SLC4A11: variants seen among roughly 807,000 people sequenced by gnomAD.
SLC4A11 encodes the protein solute carrier family 4 member 11.
Under a neutral mutation model 95.0 loss-of-function variants are expected in SLC4A11, and 74 were observed. That is an observed-to-expected ratio of 0.78 (90% CI 0.65 to 0.95). SLC4A11 has a LOEUF of 0.95. Among genes scored for constraint, SLC4A11 ranks in the 40% least tolerant of loss-of-function variants. SLC4A11 has a pLI of 0.00. For missense variants in SLC4A11, 1,081 were observed against 1,192.4 expected, an observed-to-expected ratio of 0.91 and a Z score of 1.38; for synonymous variants, 548 against 519.0, an observed-to-expected ratio of 1.06 and a Z score of -0.76.
intron 1 of SLC4A11, chr20:3,238,133 C>G: frequency 6.9e-7 from 1 of 1,451,494 alleles, no homozygotes; most frequent in Non-Finnish European, 9.1e-7. Context: ...GCAACGGTCT[C>G]CAGTCCTGGG....
intron 7 of SLC4A11, among the ~76,000 whole-genome samples, chr20:3,232,701 A>C (rs1052299278): frequency 1.3e-5 from 2 of 152,242 alleles, no homozygotes; most frequent in African/African-American, 4.8e-5. Context: ...TGACAGAGTG[A>C]GACTCTGTCT....
chr20:3,234,455 G>C lies in SLC4A11; in HGVS notation c.291+113C>G. ...CCTGGGCTGGTGCGAGCTCCCTGTT[G>C]AGCTGCTCCTGGAGGCATGGGAAGA... On this transcript the variant is annotated intron_variant, in intron 4 of 19. Coordinates refer to ENST00000642402, the MANE Select transcript of SLC4A11 (RefSeq NM_001174089.2). This position sits in a 1 kb window ranked among gnomAD's most constrained non-coding sequence, Gnocchi z 5.8. 3.9e-6 allele frequency: 6 copies of C among 1,528,206 alleles called. No individual in the cohort carries two copies. The South Asian group carries it at 6.7e-5, about 17-fold the overall frequency. The allele number at this position is 1,528,206 out of a possible 1,614,324, so 94.7% of individuals were successfully genotyped here.
intron 17 of SLC4A11, 50 bp downstream of exon 17, chr20:3,228,788 G>A (rs1384994755): frequency 6.2e-7 from 1 of 1,613,152 alleles, no homozygotes; most frequent in East Asian, 2.2e-5. Flanking sequence ...CATGTGGCCA[G>A]AGGCTCCCCA....
Position 3,229,166 on chromosome 20 carries a change from G to A in SLC4A11, c.1947C>T (p.Gly649=). 6.2e-7 allele frequency: 1 copy of A among 1,611,354 alleles called. No homozygotes were observed. Among genetic ancestry groups the A allele is most frequent in the South Asian group, 1.1e-5 (1 of 91,062 alleles). The change falls in exon 16 of 20, where the codon GGC becomes GGT. Residue 649 remains glycine (G), a synonymous_variant. Transcript: ENST00000642402. ...LRAVSGAMGL[G]FLLSMLFFIE... ...TGAAGAAGAGCATGGACAGCAGGAA[G>A]CCGAGGCCCATGGCACCGCTGACGG...
Position 3,227,616 on chromosome 20 carries a change from G to T in SLC4A11, c.*171C>A. ...GCTAAAGGATAATGGGAGAGGGGTG[G>T]GCACATACCACTGCACCCCTACAAT... On this transcript the variant is annotated 3_prime_UTR_variant, in exon 20 of 20. Transcript: ENST00000642402. 1.5e-6 allele frequency: 1 copy of T among 688,980 alleles called. No individual in the cohort carries two copies. Among genetic ancestry groups the T allele is most frequent in the Non-Finnish European group, 2.6e-6 (1 of 388,660 alleles). 42.7% of individuals were successfully genotyped at this position (688,980 alleles called of 1,614,324 possible). A position where few individuals can be genotyped will look rare whatever the true frequency, so the allele number is the denominator to read the frequency against.
Position 3,233,564 on chromosome 20 carries a change from T to A in SLC4A11, c.679A>T (p.Asn227Tyr). 1 of 1,613,516 alleles carries A rather than the reference T, an allele frequency of 6.2e-7. No homozygotes were observed. Among genetic ancestry groups the A allele is most frequent in the Non-Finnish European group, 8.5e-7 (1 of 1,179,934 alleles). Residue 227 changes from asparagine (N) to tyrosine (Y), a missense_variant, in exon 7 of 20, where the codon AAT (asparagine) becomes TAT (tyrosine). Asn to Tyr is a moderately radical substitution (Grantham distance 143). Coordinates refer to ENST00000642402, the MANE Select transcript of SLC4A11 (RefSeq NM_001174089.2). Reference sequence around the variant, plus strand: ...ATGACGAACCGAACCTCACAGGAATTCTCCCCCCAGTTCTGTGGGCGAACC... The same window carrying A: ...ATGACGAACCGAACCTCACAGGAATACTCCCCCCAGTTCTGTGGGCGAACC... ...RLVRPQNWGE[N>Y]SCEVRFVILV...
In SLC4A11 at chr20:3,232,349, G is replaced by A. The variant is rs543543399; in HGVS notation, c.730-801C>T. On this transcript the variant is annotated intron_variant, in intron 7 of 19. Transcript: ENST00000642402. ...ACCTGCTCACCTAGGGGCAGTGTCT[G>A]CCCGTCTGTTGCTCAAAGCTCTAGT... Among the ~76,000 whole-genome samples the A allele has an allele frequency of 3.3e-5, 5 of 152,382 alleles. No homozygotes were observed. The East Asian group carries it at 5.8e-4, about 18-fold the overall frequency.
chr20:3,239,045 G>T, intron 1 of SLC4A11, 50 bp downstream of exon 1: 1 of 1,465,748 alleles, frequency 6.8e-7, no homozygotes. Flanking sequence ...GGAGACGGTG[G>T]CGGAGACCCG....
Position 3,231,295 on chromosome 20 carries a change from G to T in SLC4A11, c.948+35C>A, listed in dbSNP as rs764795165. 6.2e-7 allele frequency: 1 copy of T among 1,613,312 alleles called. No homozygotes were observed. The highest frequency in any genetic ancestry group is 1.1e-5 in the South Asian group (1 of 91,056). ...GCCCTGTCCGGCCCATGCCCCCGCC[G>T]ACCCTGCCGGCCCCCGCCGGCCTCT... On this transcript the variant is annotated intron_variant, in intron 8 of 19. Transcript: ENST00000642402. The surrounding 1 kb of genome is among the most constrained non-coding windows in gnomAD (Gnocchi z 5.2).
chr20:3,239,006 C>CAT (rs2068074958), intron 1 of SLC4A11, 89 bp downstream of exon 1: 1 of 1,411,884 alleles, frequency 7.1e-7, no homozygotes, highest in Admixed American at 2.8e-5. Flanking sequence ...AGGCAGACGG[C>CAT]ATCCGCGTTC....
At chr20:3,237,999 C>G (rs1243127670) in intron 1 of SLC4A11, 1 of 1,547,148 alleles carries the variant, frequency 6.5e-7, no homozygotes, top group Non-Finnish European at 8.7e-7. Flanking sequence ...GATGCCAAGG[C>G]GGGGGATCTC....
At chr20:3,237,206 C>T (rs944877712) in intron 2 of SLC4A11, among the ~76,000 whole-genome samples, 1 of 152,296 alleles carries the variant, frequency 6.6e-6, no homozygotes, top group South Asian at 2.1e-4. Flanking sequence ...GATATTCCCT[C>T]CAGGGCTGGG....
At chr20:3,236,372 C>T (rs371592781) in intron 2 of SLC4A11, among the ~76,000 whole-genome samples, 3 of 152,168 alleles carry the variant, frequency 2.0e-5, no homozygotes, top group Non-Finnish European at 2.9e-5. Context: ...GTCAGGAGAT[C>T]GAGACCATCC....
chr20:3,235,315 A>T (rs62208069), intron 2 of SLC4A11, among the ~76,000 whole-genome samples: 1,725 of 77,332 alleles, frequency 0.022, 13 homozygotes, highest in East Asian at 0.061. Flanking sequence ...TCTCTCACAC[A>T]CACACACACA....
At chr20:3,239,547 T>C, upstream of SLC4A11, 1 of 988,796 alleles carries the variant, frequency 1.0e-6, no homozygotes, top group African/African-American at 1.7e-5. Flanking sequence ...GCTGTGCGAC[T>C]GAGGCAGACC....
chr20:3,233,447 A>G, intron 7 of SLC4A11, 67 bp downstream of exon 7: 1 of 1,605,400 alleles, frequency 6.2e-7, no homozygotes. Context: ...GTGGGAGGGG[A>G]CCCCAAGCAG....
At chr20:3,229,323 C>T in intron 15 of SLC4A11, 23 bp downstream of exon 15, 1 of 1,613,122 alleles carries the variant, frequency 6.2e-7, no homozygotes, top group Non-Finnish European at 8.5e-7. Flanking sequence ...CCCCACGTCA[C>T]CCACCGCCCG....
chr20:3,238,190 A>T, intron 1 of SLC4A11: 1 of 1,430,300 alleles, frequency 7.0e-7, no homozygotes, highest in Non-Finnish European at 9.1e-7. Flanking sequence ...TCCAAAAGGG[A>T]GAACAATTGG....
At chr20:3,237,650 C>T (rs1348294867) in intron 1 of SLC4A11, 62 bp from the exon 2 acceptor site, 2 of 1,614,058 alleles carry the variant, frequency 1.2e-6, no homozygotes, top group Non-Finnish European at 1.7e-6. Flanking sequence ...CCTGTGTGCA[C>T]CTGTCTCCCC....
Sources: gnomAD v4.1 joint callset for allele counts (sites outside exome capture counted in the v4.1 genomes callset) on GRCh38, gnomAD v4.1.1 for gene constraint, Gnocchi (gnomAD v3.1) non-coding constraint, MANE v1.5 for transcripts, NCBI Gene and HGNC (gene_info 2026-07-23, HGNC 2026-07-21) for gene names.